Variants in LHX6 observed in about 807,000 individuals in gnomAD.
The protein encoded by LHX6 is LIM/homeobox protein Lhx6.
In LHX6, 15 loss-of-function variants were observed where a neutral mutation model predicts 47.1. The observed-to-expected ratio is 0.32, with a 90% CI of 0.21 to 0.49. The LOEUF (loss-of-function observed/expected upper bound fraction) is 0.49. Ranked by LOEUF, LHX6 falls within the 20% of genes least tolerant of loss-of-function variation. The pLI is 0.99. For missense variants in LHX6, 404 were observed against 539.6 expected (o/e 0.75, Z 2.49); for synonymous variants, 242 against 233.5 (o/e 1.04, Z -0.33).
intron 8 of LHX6, among the ~76,000 whole-genome samples, chr9:122,210,814 C>T (rs57617016): frequency 0.033 from 5,087 of 152,254 alleles, 253 homozygotes; most frequent in African/African-American, 0.11. Flanking sequence ...CTGCCCACCT[C>T]GGCCTCCCAA....
Position 122,217,255 on chromosome 9 carries a change from T to C in LHX6, c.495A>G (p.Arg165=). The change falls in exon 5 of 10, where the codon CGA becomes CGG. Residue 165 remains arginine (R), a synonymous_variant. Transcript: ENST00000394319. This position sits in a 1 kb window ranked among gnomAD's most constrained non-coding sequence, Gnocchi z 4.9. ...GCACCCAGTCGCTGGCGTAGATCTGTCGGCCGCACCGGGCACACTTGGTCC... is the reference window on the plus strand; with the variant it reads ...GCACCCAGTCGCTGGCGTAGATCTGCCGGCCGCACCGGGCACACTTGGTCC... ...RFGTKCARCG[R]QIYASDWVRR... 6.2e-7 allele frequency: 1 copy of C among 1,613,498 alleles called. No homozygotes were observed. Among genetic ancestry groups the C allele is most frequent in the Non-Finnish European group, 8.5e-7 (1 of 1,179,944 alleles).
chr9:122,214,296 G>T lies in LHX6; in HGVS notation c.770C>A (p.Ala257Glu). The change falls in exon 6 of 10, where the codon GCG becomes GAG. Residue 257 changes from alanine to glutamate, a missense_variant. Ala to Glu is a moderately radical substitution (Grantham distance 107). Around this residue, in one of 7 missense-constraint regions of LHX6, gnomAD observed 43 missense variants for 84.7 expected, o/e 0.51. Coordinates refer to ENST00000394319, the MANE Select transcript of LHX6 (RefSeq NM_014368.5). This position sits in a 1 kb window ranked among gnomAD's most constrained non-coding sequence, Gnocchi z 4.6. ...TTGCAGCGGTACCTGCAGCTGTTCC[G>T]CGGTGAAGGACGTCCGCGCGCGCTT... ...PAKRARTSFT[A>E]EQLQVMQAQF... 6.3e-7 allele frequency: 1 copy of T among 1,598,152 alleles called. No individual in the cohort carries two copies. The highest frequency in any genetic ancestry group is 8.5e-7 in the Non-Finnish European group (1 of 1,175,356).
intron 9 of LHX6, among the ~76,000 whole-genome samples, chr9:122,205,380 G>A (rs897722572): frequency 2.0e-5 from 3 of 152,220 alleles, no homozygotes; most frequent in Non-Finnish European, 2.9e-5. Context: ...CTAGAAGTGC[G>A]TGGCTCAGAC....
At position 122,217,282 on chromosome 9, in the gene LHX6, G is replaced by A. The variant is rs1396131630; in HGVS notation, c.468C>T (p.Phe156=). The change falls in exon 5 of 10, where the codon TTC becomes TTT. Residue 156 remains phenylalanine, a synonymous_variant. Transcript: ENST00000394319. The surrounding 1 kb of genome is among the most constrained non-coding windows in gnomAD (Gnocchi z 4.9). ...GGCCGCACCGGGCACACTTGGTCCC[G>A]AATCGGCTGCAGGTCGAGAGGACAG... is the stretch of plus-strand genomic sequence containing the variant. ...IFCKMDYFSR[F]GTKCARCGRQ... The A allele has an allele frequency of 3.1e-6, 5 of 1,610,174 alleles. No homozygotes were observed. Among genetic ancestry groups the A allele is most frequent in the Middle Eastern group, 3.4e-4 (2 of 5,936 alleles).
chr9:122,220,243 C>T (rs1830788255), intron 4 of LHX6, among the ~76,000 whole-genome samples: 2 of 152,242 alleles, frequency 1.3e-5, no homozygotes, highest in African/African-American at 4.8e-5. Flanking sequence ...TTCTCATGCT[C>T]CGCGTGTCTC....
At position 122,214,815 on chromosome 9, in the gene LHX6, T is replaced by C. The variant is rs371043854; in HGVS notation, c.683-432A>G. 1.5e-3 allele frequency among the ~76,000 whole-genome samples: 233 copies of C among 152,300 alleles called. 1 individual carries two copies. Among genetic ancestry groups the C allele is most frequent in the African/African-American group, 5.4e-3 (224 of 41,574 alleles). ...GCAAGTAACGGAACTATGCTCCTAA[T>C]TTTATAAAAATAAGCGGAAGGAAAA... is the stretch of plus-strand genomic sequence containing the variant. On this transcript the variant is annotated intron_variant, in intron 5 of 9. Transcript: ENST00000394319. This position sits in a 1 kb window ranked among gnomAD's most constrained non-coding sequence, Gnocchi z 4.6.
rs569747665 is a variant in LHX6, at chr9:122,221,268, G to A, written c.462-3980C>T. ...CAGCAATTAAGAGGTTAAAACGACC[G>A]CTTCTCGGAGGTCCCGGCCCCGAGG... On this transcript the variant is annotated intron_variant, in intron 4 of 9. Transcript: ENST00000394319. 34 of 985,510 alleles carry A rather than the reference G, an allele frequency of 3.4e-5. No homozygotes were observed. The South Asian group carries it at 1.4e-3, about 41-fold the overall frequency. The allele number at this position is 985,510 out of a possible 1,614,324, so 61.0% of individuals were successfully genotyped here.
chr9:122,227,383 C>T (rs1383559129), intron 2 of LHX6, 26 bp downstream of exon 2: 18 of 1,500,334 alleles, frequency 1.2e-5, no homozygotes, highest in African/African-American at 1.4e-5. Flanking sequence ...GGACTGGGCA[C>T]CGCAGGCAGG....
chr9:122,212,741 G>C (rs1051416574), intron 8 of LHX6, among the ~76,000 whole-genome samples: 1 of 151,902 alleles, frequency 6.6e-6, no homozygotes, highest in South Asian at 2.1e-4. Context: ...TCCCTGCCAC[G>C]GACATGCCTG....
rs1162862498 is a variant in LHX6 at position 122,226,618 on chromosome 9, C to G, written c.340-121G>C. The G allele has an allele frequency of 1.4e-6, 2 of 1,415,716 alleles. No homozygotes were observed. The highest frequency in any genetic ancestry group is 4.6e-5 in the Admixed American group (2 of 43,836). The allele number at this position is 1,415,716 out of a possible 1,614,324, so 87.7% of individuals were successfully genotyped here. A position where few individuals can be genotyped will look rare whatever the true frequency, so the allele number is the denominator to read the frequency against. ...AGCTCAGAAGGTGCATGCGATTCCC[C>G]TATTTTTCTCCCGTAATACTGAGAC... is the stretch of plus-strand genomic sequence containing the variant. On this transcript the variant is annotated intron_variant, in intron 3 of 9. Coordinates refer to ENST00000394319, the MANE Select transcript of LHX6 (RefSeq NM_014368.5). This position sits in a 1 kb window ranked among gnomAD's most constrained non-coding sequence, Gnocchi z 6.5.
intron 4 of LHX6, among the ~76,000 whole-genome samples, chr9:122,223,693 G>A (rs1237163355): frequency 2.0e-5 from 3 of 152,166 alleles, no homozygotes; most frequent in African/African-American, 7.2e-5. Flanking sequence ...ATTGCAGTAG[G>A]AAGAGAACTC....
chr9:122,225,540 C>T (rs1651855211), intron 4 of LHX6, among the ~76,000 whole-genome samples: 1 of 152,266 alleles, frequency 6.6e-6, no homozygotes, highest in Non-Finnish European at 1.5e-5. Flanking sequence ...TGGACGCGGC[C>T]TGCAGTAGGG....
intron 1 of LHX6, chr9:122,228,090 C>A (rs367811210): frequency 1.5e-5 from 9 of 602,996 alleles, no homozygotes; most frequent in African/African-American, 5.6e-5. Flanking sequence ...AAGAAAACCC[C>A]GAGCGCGGTG....
In LHX6 at chr9:122,213,848, G is replaced by A; in HGVS notation, c.880-68C>T. On this transcript the variant is annotated intron_variant, in intron 7 of 9. Coordinates refer to ENST00000394319, the MANE Select transcript of LHX6 (RefSeq NM_014368.5). The surrounding 1 kb of genome is among the most constrained non-coding windows in gnomAD (Gnocchi z 5.5). ...TCGGACGCGCCGCCGGGAGACCCCAGGCGGGACTGCCTCGTCGCCTCCTGG... is the reference window on the plus strand; with the variant it reads ...TCGGACGCGCCGCCGGGAGACCCCAAGCGGGACTGCCTCGTCGCCTCCTGG... 1 of 1,534,608 alleles carries A rather than the reference G, an allele frequency of 6.5e-7. No homozygotes were observed. Among genetic ancestry groups the A allele is most frequent in the Non-Finnish European group, 8.8e-7 (1 of 1,137,496 alleles).
intron 8 of LHX6, among the ~76,000 whole-genome samples, chr9:122,212,660 C>T (rs1400154488): frequency 1.3e-5 from 2 of 152,182 alleles, no homozygotes; most frequent in African/African-American, 2.4e-5. Context: ...GCTCCTCCCT[C>T]ACTCCTCCAG....
At chr9:122,216,897 G>T (rs1454328787) in intron 5 of LHX6, among the ~76,000 whole-genome samples, 171 bp downstream of exon 5, 1 of 148,192 alleles carries the variant, frequency 6.7e-6, no homozygotes, top group Non-Finnish European at 1.5e-5. Flanking sequence ...CTAAGCAAAA[G>T]ATCGACCCGG....
chr9:122,228,598 G>A, intron 1 of LHX6, 59 bp downstream of exon 1: 3 of 1,325,048 alleles, frequency 2.3e-6, no homozygotes, highest in Non-Finnish European at 2.9e-6. Flanking sequence ...GGCCCGGCTG[G>A]GTCCCGGACC....
At chr9:122,205,481 C>G (rs553723559) in intron 9 of LHX6, among the ~76,000 whole-genome samples, 4 of 152,340 alleles carry the variant, frequency 2.6e-5, no homozygotes, top group Non-Finnish European at 5.9e-5. Flanking sequence ...TGACATCTCA[C>G]TGCTGCTGAC....
chr9:122,225,938 C>A (rs1031128350), intron 4 of LHX6, among the ~76,000 whole-genome samples: 14 of 152,176 alleles, frequency 9.2e-5, no homozygotes, highest in Non-Finnish European at 1.5e-4. Flanking sequence ...CCGCGAGAGA[C>A]CCCACCATGA....
Sources: gnomAD v4.1 joint callset for allele counts (sites outside exome capture counted in the v4.1 genomes callset) on GRCh38, gnomAD v4.1.1 for gene constraint, gnomAD v4.1.1 regional missense constraint, Gnocchi (gnomAD v3.1) non-coding constraint, MANE v1.5 for transcripts, NCBI Gene and HGNC (gene_info 2026-07-23, HGNC 2026-07-21) for gene names.